The following SHISA9 variants were observed in gnomAD, a reference collection of about 807,000 sequenced individuals.
SHISA9 encodes protein shisa-9.
A neutral mutation model predicts 38.0 loss-of-function variants in SHISA9; 13 were observed. That is an observed-to-expected ratio of 0.34 (90% CI 0.22 to 0.54). The LOEUF (loss-of-function observed/expected upper bound fraction) is 0.54. Ranked by LOEUF, SHISA9 falls within the 20% of genes least tolerant of loss-of-function variation. SHISA9 has a pLI of 0.91. For missense variants in SHISA9, 538 were observed against 575.8 expected (o/e 0.93, Z 0.67); for synonymous variants, 275 against 242.0 (o/e 1.14, Z -1.27).
intron 2 of SHISA9, among the ~76,000 whole-genome samples, chr16:12,942,768 C>T: frequency 6.6e-6 from 1 of 151,764 alleles, no homozygotes; most frequent in Non-Finnish European, 1.5e-5. Context: ...TTCTGTTTTC[C>T]ATTTTGCTCT....
chr16:13,475,913 C>T, the SHISA9 span, among the ~76,000 whole-genome samples: 1 of 152,096 alleles, frequency 6.6e-6, no homozygotes, highest in African/African-American at 2.4e-5. Flanking sequence ...TTGAATGTTG[C>T]TGCTGATCTG....
At chr16:12,922,309 AT>A in intron 2 of SHISA9, among the ~76,000 whole-genome samples, 1 of 152,364 alleles carries the variant, frequency 6.6e-6, no homozygotes, top group Middle Eastern at 3.4e-3. Flanking sequence ...ATATTAGCTC[AT>A]TTAGTTCTCA....
At chr16:13,319,373 G>A in the SHISA9 span, among the ~76,000 whole-genome samples, 5 of 152,100 alleles carry the variant, frequency 3.3e-5, no homozygotes, top group South Asian at 4.1e-4. Context: ...GGCCTACCAC[G>A]TTTATCCTGC....
At chr16:13,201,943 G>A (rs1486503475) in intron 2 of SHISA9, among the ~76,000 whole-genome samples, 1 of 109,778 alleles carries the variant, frequency 9.1e-6, no homozygotes, top group Admixed American at 9.3e-5. Flanking sequence ...GGCACCACTG[G>A]CAACCACCGC....
chr16:13,355,407 T>C, the SHISA9 span, among the ~76,000 whole-genome samples: 1 of 151,360 alleles, frequency 6.6e-6, no homozygotes, highest in Non-Finnish European at 1.5e-5. Flanking sequence ...CTTATACTTG[T>C]GGGTTAAGGT....
chr16:13,087,124 C>G (rs1275375213), intron 2 of SHISA9, among the ~76,000 whole-genome samples: 69 of 149,360 alleles, frequency 4.6e-4, no homozygotes, highest in African/African-American at 1.6e-3. Context: ...TCATCCATGT[C>G]CCCGCAAAGG....
chr16:13,396,464 G>A, the SHISA9 span, among the ~76,000 whole-genome samples: 4 of 152,122 alleles, frequency 2.6e-5, no homozygotes, highest in Admixed American at 1.3e-4. Context: ...CTGAGATTAT[G>A]CCATGGTGAG....
chr16:13,264,633 T>C, the SHISA9 span, among the ~76,000 whole-genome samples: 2 of 152,178 alleles, frequency 1.3e-5, no homozygotes, highest in Admixed American at 6.5e-5. Flanking sequence ...AGAATGTCTC[T>C]CTTGCTTCTA....
intron 2 of SHISA9, among the ~76,000 whole-genome samples, chr16:13,111,256 C>G (rs1479175972): frequency 6.6e-6 from 1 of 150,808 alleles, no homozygotes; most frequent in Non-Finnish European, 1.5e-5. Context: ...AGTGAACAGG[C>G]AACTTACAGA....
chr16:13,011,204 A>C (rs889660204), intron 2 of SHISA9, among the ~76,000 whole-genome samples: 1 of 152,172 alleles, frequency 6.6e-6, no homozygotes, highest in African/African-American at 2.4e-5. Flanking sequence ...CTTAAAAATA[A>C]ATTTTATTGT....
the SHISA9 span, among the ~76,000 whole-genome samples, chr16:13,291,504 C>T: frequency 1.3e-5 from 2 of 152,256 alleles, no homozygotes; most frequent in East Asian, 1.9e-4. Context: ...TTATGTATTG[C>T]CTCTTTTTCA....
At chr16:13,554,135 G>A in the SHISA9 span, among the ~76,000 whole-genome samples, 1 of 151,982 alleles carries the variant, frequency 6.6e-6, no homozygotes, top group African/African-American at 2.4e-5. Flanking sequence ...CACAGGTTTT[G>A]GCTGGGCATC....
At chr16:13,534,499 A>G in the SHISA9 span, among the ~76,000 whole-genome samples, 8 of 152,366 alleles carry the variant, frequency 5.3e-5, no homozygotes, top group Admixed American at 4.6e-4. Flanking sequence ...TGCTGGGATT[A>G]CAGGTGTGAG....
At chr16:13,141,554 C>T (rs191719591) in intron 2 of SHISA9, among the ~76,000 whole-genome samples, 231 of 151,884 alleles carry the variant, frequency 1.5e-3, no homozygotes, top group Non-Finnish European at 1.6e-3. Context: ...TGTGGTGGTA[C>T]GTGCCTGTAG....
the SHISA9 span, among the ~76,000 whole-genome samples, chr16:13,395,832 G>T: frequency 6.6e-6 from 1 of 152,152 alleles, no homozygotes; most frequent in Non-Finnish European, 1.5e-5. Context: ...TCTCATAAAC[G>T]CCATGTGATC....
At chr16:13,170,201 T>TC (rs2050673366) in intron 2 of SHISA9, among the ~76,000 whole-genome samples, 1 of 81,228 alleles carries the variant, frequency 1.2e-5, no homozygotes, top group African/African-American at 4.6e-5. Flanking sequence ...AGACTCCATC[T>TC]CAAAAAAAAA....
At chr16:13,136,033 C>A (rs897954773) in intron 2 of SHISA9, among the ~76,000 whole-genome samples, 1 of 152,164 alleles carries the variant, frequency 6.6e-6, no homozygotes, top group Admixed American at 6.5e-5. Flanking sequence ...TGCCAAAGTT[C>A]TCTAAGAATA....
the SHISA9 span, among the ~76,000 whole-genome samples, chr16:13,553,121 A>G: frequency 7.9e-5 from 12 of 152,068 alleles, no homozygotes; most frequent in Non-Finnish European, 8.8e-5. Flanking sequence ...CTGACTGAGA[A>G]CCACTGGACC....
chr16:12,907,756 G>T (rs999600957), intron 1 of SHISA9, among the ~76,000 whole-genome samples: 2 of 152,132 alleles, frequency 1.3e-5, no homozygotes, highest in Admixed American at 1.3e-4. Context: ...GAGATTTCAC[G>T]CAGGAATCCA....
Sources: allele counts gnomAD v4.1 joint callset (sites outside exome capture counted in the v4.1 genomes callset), GRCh38; gene constraint gnomAD v4.1.1; transcripts MANE v1.5; gene names NCBI Gene and HGNC (gene_info 2026-07-23, HGNC 2026-07-21).